The following TECR variants were observed in gnomAD, a reference collection of about 807,000 sequenced individuals.
TECR encodes the protein very-long-chain enoyl-CoA reductase.
In TECR, 19 loss-of-function variants were observed where a neutral mutation model predicts 50.6. That is an observed-to-expected ratio of 0.38 (90% confidence interval 0.26 to 0.55). The LOEUF is 0.55. Ranked by LOEUF, TECR falls within the 20% of genes least tolerant of loss-of-function variation. The probability of loss-of-function intolerance (pLI) is 0.79; values close to 1 mark genes in which losing one functional copy is unlikely to be tolerated. For synonymous variants in TECR, 168 were observed against 163.5 expected, an observed-to-expected ratio of 1.03 and a Z score of -0.21; for missense variants, 313 against 408.3, an observed-to-expected ratio of 0.77 and a Z score of 2.01.
chr19:14,565,322 G>C (rs1246144445), intron 11 of TECR, 32 bp downstream of exon 11: 1 of 1,610,892 alleles, frequency 6.2e-7, no homozygotes, highest in Non-Finnish European at 8.5e-7. Context: ...CTCTGCCCTG[G>C]GACTTGGGGT....
chr19:14,565,949 A>G lies in TECR; in HGVS notation c.*78A>G, dbSNP rs1440515768. ...GGAGTGGGGCCCACAGCTCTCCAGC[A>G]CCCGGAATAAAGCCCGCCTGCCCCA... On this transcript the variant is annotated 3_prime_UTR_variant, in exon 13 of 13. Coordinates refer to ENST00000215567, the MANE Select transcript of TECR (RefSeq NM_138501.6). The G allele has an allele frequency of 6.5e-7, 1 of 1,543,654 alleles. No individual in the cohort carries two copies. The highest frequency in any genetic ancestry group is 2.4e-5 in the East Asian group (1 of 41,464).
At position 14,564,105 on chromosome 19, in the gene TECR, G is replaced by A. The variant is rs765042217; in HGVS notation, c.383+8G>A. The A allele has an allele frequency of 6.2e-7, 1 of 1,610,462 alleles. No homozygotes were observed. Among genetic ancestry groups the A allele is most frequent in the Non-Finnish European group, 8.5e-7 (1 of 1,179,766 alleles). On this transcript the variant is annotated splice_region_variant and intron_variant, in intron 6 of 12. Transcript: ENST00000215567. The stretch of plus-strand genomic sequence containing the variant: ...TCGGCATACAGTGGTGCAGTAAGTG[G>A]GGCAGGTGGGAGGAGGGTAGGGGAA...
intron 1 of TECR, chr19:14,530,219 CA>C (rs2072576834): frequency 5.7e-6 from 1 of 176,024 alleles, no homozygotes; most frequent in Admixed American, 5.5e-5. Context: ...CTGGCTTTCG[CA>C]GAGCAGCGAA....
chr19:14,560,518 C>T (rs1239829130), intron 1 of TECR, among the ~76,000 whole-genome samples: 1 of 152,256 alleles, frequency 6.6e-6, no homozygotes, highest in East Asian at 1.9e-4. Flanking sequence ...CCCTATCCTA[C>T]ATATCCCCTT....
At chr19:14,564,566 C>T in intron 7 of TECR, 1 of 473,186 alleles carries the variant, frequency 2.1e-6, no homozygotes, top group South Asian at 2.1e-5. Context: ...CCCTGCAGAG[C>T]CCCGCCCCAG....
chr19:14,535,951 C>A (rs1401053629), intron 1 of TECR, among the ~76,000 whole-genome samples: 4 of 151,938 alleles, frequency 2.6e-5, no homozygotes, highest in Non-Finnish European at 5.9e-5. Flanking sequence ...CTGGTGGAGT[C>A]CCTTCTGTCC....
At position 14,560,700 on chromosome 19, in the gene TECR, C is replaced by T. The variant is rs1022027077; in HGVS notation, c.16-1825C>T. Among the ~76,000 whole-genome samples the T allele has an allele frequency of 8.5e-5, 13 of 152,228 alleles. 1 individual carries two copies. The East Asian group carries it at 2.1e-3, about 25-fold the overall frequency. ...TTGACAGCAGGGACTCAGGAGGCCC[C>T]GTGGGCCAGGATTTCCTGGCTGCTG... On this transcript the variant is annotated intron_variant, in intron 1 of 12. Coordinates refer to ENST00000215567, the MANE Select transcript of TECR (RefSeq NM_138501.6).
At position 14,529,603 on chromosome 19, in the gene TECR, A is replaced by T. The variant is rs754965095; in HGVS notation, c.-94A>T. 10 of 1,594,454 alleles carry T rather than the reference A, an allele frequency of 6.3e-6. No homozygotes were observed. The highest frequency in any genetic ancestry group is 8.6e-6 in the Non-Finnish European group (10 of 1,163,176). ...GCGGACGCAGAGCCGCGTTTAGTCT[A>T]TCGCTGCGGTTGCGAGCGCTGTAGG... On this transcript the variant is annotated 5_prime_UTR_variant, in exon 1 of 13. Coordinates refer to ENST00000215567, the MANE Select transcript of TECR (RefSeq NM_138501.6).
At chr19:14,557,393 G>A (rs541489605) in intron 1 of TECR, among the ~76,000 whole-genome samples, 3 of 151,118 alleles carry the variant, frequency 2.0e-5, no homozygotes, top group East Asian at 3.9e-4. Context: ...TGCCTGCTTC[G>A]GCCTCCCAAA....
In TECR at chr19:14,555,438, C is replaced by CTTTTTTTTTTT. The variant is rs747503834; in HGVS notation, c.16-7071_16-7061dup. 2.0e-4 allele frequency among the ~76,000 whole-genome samples: 19 copies of CTTTTTTTTTTT among 92,884 alleles called. 1 individual carries two copies. The highest frequency in any genetic ancestry group is 8.2e-4 in the African/African-American group (18 of 21,988). 60.9% of individuals were successfully genotyped at this position (92,884 alleles called of 152,430 possible). A position where few individuals can be genotyped will look rare whatever the true frequency, so the allele number is the denominator to read the frequency against. ...AAATTTTTTTGTATTTTTATTTATT[C>CTTTTTTTTTTT]TTTTTTTTTTTTTTTTTTTTTTTTT... On this transcript the variant is annotated intron_variant, in intron 1 of 12. Transcript: ENST00000215567.
At chr19:14,538,087 T>C (rs967301056) in intron 1 of TECR, among the ~76,000 whole-genome samples, 2 of 152,200 alleles carry the variant, frequency 1.3e-5, no homozygotes, top group Non-Finnish European at 1.5e-5. Context: ...AATCGTGTAC[T>C]AAACATAAGA....
chr19:14,540,945 T>C (rs2073076174), intron 1 of TECR, among the ~76,000 whole-genome samples: 2 of 152,052 alleles, frequency 1.3e-5, no homozygotes, highest in Admixed American at 1.3e-4. Context: ...AGCCATTCTT[T>C]TGCCTCAGGC....
At chr19:14,559,279 C>T (rs1324500267) in intron 1 of TECR, among the ~76,000 whole-genome samples, 3 of 152,096 alleles carry the variant, frequency 2.0e-5, no homozygotes, top group Non-Finnish European at 4.4e-5. Flanking sequence ...TCTGTCTCGT[C>T]CCAGAACATT....
intron 1 of TECR, among the ~76,000 whole-genome samples, chr19:14,556,594 A>G (rs1012230257): frequency 2.6e-5 from 4 of 151,952 alleles, no homozygotes; most frequent in African/African-American, 9.7e-5. Context: ...TTTCACTGCC[A>G]TATCCCAGGA....
At chr19:14,541,461 G>T (rs904926988) in intron 1 of TECR, among the ~76,000 whole-genome samples, 5 of 152,188 alleles carry the variant, frequency 3.3e-5, no homozygotes, top group Non-Finnish European at 1.5e-5. Context: ...GCCTTTTCCC[G>T]TCATAGGACC....
At chr19:14,560,643 C>G (rs1210861340) in intron 1 of TECR, among the ~76,000 whole-genome samples, 1 of 152,230 alleles carries the variant, frequency 6.6e-6, no homozygotes, top group East Asian at 1.9e-4. Flanking sequence ...TAACCTTCCC[C>G]TAGAGGCCAC....
chr19:14,528,851 T>G (rs2072502004), upstream of TECR, among the ~76,000 whole-genome samples: 1 of 151,840 alleles, frequency 6.6e-6, no homozygotes, highest in African/African-American at 2.4e-5. Context: ...GGCTGAGGCA[T>G]GAGAATCGCT....
intron 1 of TECR, among the ~76,000 whole-genome samples, chr19:14,533,246 C>T (rs1481183273): frequency 2.0e-5 from 3 of 152,070 alleles, no homozygotes; most frequent in Non-Finnish European, 4.4e-5. Flanking sequence ...CATGATGAAA[C>T]TCCGTCTCTA....
intron 1 of TECR, among the ~76,000 whole-genome samples, chr19:14,556,186 C>G (rs928981924): frequency 3.9e-5 from 6 of 152,198 alleles, no homozygotes; most frequent in African/African-American, 1.4e-4. Context: ...GGACTCCTTC[C>G]TGCTCAGCCA....
Sources: allele counts gnomAD v4.1 joint callset (sites outside exome capture counted in the v4.1 genomes callset), GRCh38; gene constraint gnomAD v4.1.1; transcripts MANE v1.5; gene names NCBI Gene and HGNC (gene_info 2026-07-23, HGNC 2026-07-21).